ADARB2: variants seen among roughly 807,000 people sequenced by gnomAD.
ADARB2 encodes the protein inactive double-stranded RNA-specific editase B2.
A neutral mutation model predicts 62.2 loss-of-function variants in ADARB2; 25 were observed. That is an observed-to-expected ratio of 0.40 (90% CI 0.29 to 0.56). The LOEUF is 0.56. Among genes scored for constraint, ADARB2 ranks in the 20% least tolerant of loss-of-function variants. The probability of loss-of-function intolerance (pLI) is 0.43; values close to 1 mark genes in which losing one functional copy is unlikely to be tolerated. For synonymous variants in ADARB2, 572 were observed against 500.8 expected (o/e 1.14, Z -1.90); for missense variants, 1,071 against 1,077.4 (o/e 0.99, Z 0.08).
At chr10:1,225,874 G>A (rs1254687711) in intron 6 of ADARB2, among the ~76,000 whole-genome samples, 1 of 152,048 alleles carries the variant, frequency 6.6e-6, no homozygotes, top group African/African-American at 2.4e-5. Flanking sequence ...TGGTGAATCT[G>A]ACAATTATGT....
At chr10:1,269,646 G>A (rs1488687744) in intron 4 of ADARB2, among the ~76,000 whole-genome samples, 1 of 152,072 alleles carries the variant, frequency 6.6e-6, no homozygotes, top group Non-Finnish European at 1.5e-5. Context: ...TGGATTCTGT[G>A]CTAGGATGAT....
chr10:1,231,121 G>A (rs780315976), intron 6 of ADARB2, among the ~76,000 whole-genome samples: 5 of 152,096 alleles, frequency 3.3e-5, no homozygotes, highest in Non-Finnish European at 4.4e-5. Context: ...GGTCTCAGGC[G>A]TGGACAAGGC....
At chr10:1,465,513 C>T (rs1371793284) in intron 1 of ADARB2, among the ~76,000 whole-genome samples, 3 of 152,292 alleles carry the variant, frequency 2.0e-5, no homozygotes, top group African/African-American at 7.2e-5. Flanking sequence ...CCGTGACGAC[C>T]GCAGTGCCGA....
At chr10:1,281,596 C>T (rs1463420408) in intron 3 of ADARB2, among the ~76,000 whole-genome samples, 6 of 152,234 alleles carry the variant, frequency 3.9e-5, no homozygotes, top group Non-Finnish European at 8.8e-5. Context: ...AGCACGGTGC[C>T]AGCAGGGCTC....
At chr10:1,712,134 G>A (rs1483288339) in intron 1 of ADARB2, among the ~76,000 whole-genome samples, 2 of 152,200 alleles carry the variant, frequency 1.3e-5, no homozygotes, top group Non-Finnish European at 2.9e-5. Context: ...GTTCGAAGCT[G>A]TATTTAAAAC....
chr10:1,662,426 C>T (rs1034938433), intron 1 of ADARB2, among the ~76,000 whole-genome samples: 1 of 152,168 alleles, frequency 6.6e-6, no homozygotes, highest in Non-Finnish European at 1.5e-5. Flanking sequence ...GACCCCTTCC[C>T]CCACCCAGAG....
rs1378112366 is a variant in ADARB2, at chr10:1,428,064, A to G, written c.101-48904T>C. 2.0e-5 allele frequency among the ~76,000 whole-genome samples: 3 copies of G among 150,948 alleles called. No homozygotes were observed. In the Admixed American group the frequency reaches 2.0e-4, roughly 10 times the overall value. ...CGGCTCACTGCAACCTCTGCCTCCC[A>G]GGTTCAAGTGATTCTTGTGCCTCAG... On this transcript the variant is annotated intron_variant, in intron 1 of 9. Coordinates refer to ENST00000381312, the MANE Select transcript of ADARB2 (RefSeq NM_018702.4).
At chr10:1,675,435 G>A in intron 1 of ADARB2, 1 of 974,892 alleles carries the variant, frequency 1.0e-6, no homozygotes, top group Non-Finnish European at 1.2e-6. Context: ...TGTTCTGGAG[G>A]TTTGGGTTGG....
intron 8 of ADARB2, among the ~76,000 whole-genome samples, chr10:1,191,116 G>C (rs1003235819): frequency 2.0e-5 from 3 of 152,102 alleles, no homozygotes; most frequent in Non-Finnish European, 4.4e-5. Context: ...CAGAATGGGG[G>C]TTTGCACACT....
At chr10:1,484,001 C>G (rs1831513177) in intron 1 of ADARB2, among the ~76,000 whole-genome samples, 1 of 152,198 alleles carries the variant, frequency 6.6e-6, no homozygotes, top group African/African-American at 2.4e-5. Flanking sequence ...ACTATTGAAT[C>G]TGTCTCTCCC....
At chr10:1,452,673 G>T (rs1235614111) in intron 1 of ADARB2, among the ~76,000 whole-genome samples, 2 of 151,456 alleles carry the variant, frequency 1.3e-5, no homozygotes, top group African/African-American at 4.9e-5. Context: ...ATAGGGGAGG[G>T]ACAGCACTAG....
intron 1 of ADARB2, among the ~76,000 whole-genome samples, chr10:1,512,180 T>C (rs1308046992): frequency 6.6e-6 from 1 of 152,022 alleles, no homozygotes; most frequent in African/African-American, 2.4e-5. Flanking sequence ...TTTGATACTG[T>C]CTACACTGGA....
intron 1 of ADARB2, among the ~76,000 whole-genome samples, chr10:1,396,340 A>T (rs766268106): frequency 6.6e-6 from 1 of 152,036 alleles, no homozygotes; most frequent in Non-Finnish European, 1.5e-5. Flanking sequence ...GTGGGCGCCC[A>T]CGCCTCGGCC....
chr10:1,608,712 GA>G (rs1454252204), intron 1 of ADARB2, among the ~76,000 whole-genome samples: 3 of 149,588 alleles, frequency 2.0e-5, no homozygotes, highest in Non-Finnish European at 4.4e-5. Context: ...AAAAAGGAAG[GA>G]AGGAAAGAAA....
chr10:1,606,212 GC>G (rs1177121116), intron 1 of ADARB2, among the ~76,000 whole-genome samples: 2 of 152,150 alleles, frequency 1.3e-5, no homozygotes, highest in Non-Finnish European at 2.9e-5. Context: ...CTTTCTGGGG[GC>G]CTACAGTCTT....
rs144887896 is a variant in ADARB2, at chr10:1,477,122, T to C, written c.101-97962A>G. On this transcript the variant is annotated intron_variant, in intron 1 of 9. Coordinates refer to ENST00000381312, the MANE Select transcript of ADARB2 (RefSeq NM_018702.4). The surrounding 1 kb of genome is among the most constrained non-coding windows in gnomAD (Gnocchi z 4.5). ...ACTGCGCAGCACTGCCTCTCACTCA[T>C]GGCTGTGAAACTTGGGTTGCCCGAT... 2.4e-3 allele frequency among the ~76,000 whole-genome samples: 363 copies of C among 152,248 alleles called. 2 individuals are homozygous for C. Among genetic ancestry groups the C allele is most frequent in the African/African-American group, 8.0e-3 (334 of 41,534 alleles).
At chr10:1,196,420 G>A (rs1047727545) in intron 8 of ADARB2, among the ~76,000 whole-genome samples, 3 of 151,406 alleles carry the variant, frequency 2.0e-5, no homozygotes, top group African/African-American at 7.3e-5. Context: ...TCTCGATGTT[G>A]GATACATTTA....
intron 1 of ADARB2, among the ~76,000 whole-genome samples, chr10:1,402,318 G>A (rs540782264): frequency 4.6e-5 from 7 of 152,262 alleles, no homozygotes; most frequent in African/African-American, 1.4e-4. Context: ...TGAGCGATTT[G>A]CTCATCAACC....
intron 3 of ADARB2, among the ~76,000 whole-genome samples, chr10:1,280,582 C>T (rs141983092): frequency 2.7e-3 from 352 of 128,654 alleles, no homozygotes; most frequent in African/African-American, 9.9e-3. Flanking sequence ...TCCTAAGTGA[C>T]GCTCCGTGAA....
Sources: allele counts gnomAD v4.1 joint callset (sites outside exome capture counted in the v4.1 genomes callset), GRCh38; gene constraint gnomAD v4.1.1; non-coding constraint Gnocchi (gnomAD v3.1); transcripts MANE v1.5; gene names NCBI Gene and HGNC (gene_info 2026-07-23, HGNC 2026-07-21).